Variants in ACACB observed in about 807,000 individuals in gnomAD.
The protein encoded by ACACB is acetyl-CoA carboxylase beta.
In ACACB, 209 loss-of-function variants were observed where a neutral mutation model predicts 278.8. That is an observed-to-expected ratio of 0.75 (90% CI 0.67 to 0.84). The LOEUF (loss-of-function observed/expected upper bound fraction) is 0.84. Among genes scored for constraint, ACACB ranks in the 40% least tolerant of loss-of-function variants. ACACB has a pLI of 0.00. For synonymous variants in ACACB, 1,174 were observed against 1,285.6 expected, an observed-to-expected ratio of 0.91 and a Z score of 1.86; for missense variants, 2,850 against 3,269.0, an observed-to-expected ratio of 0.87 and a Z score of 3.13.
rs139390710 is a variant in ACACB, at chr12:109,246,449, G to A, written c.5571+1G>A. On this transcript the variant is annotated splice_donor_variant, in intron 39 of 52. Transcript: ENST00000338432. LOFTEE classifies it high-confidence loss of function. ...GGTGGACCCAGAAGACCCCCACAAA[G>A]TACGTCGTGAAACTGGCGGGGCAGG... The A allele has an allele frequency of 1.9e-6, 3 of 1,607,364 alleles. No homozygotes were observed. Among genetic ancestry groups the A allele is most frequent in the Non-Finnish European group, 2.6e-6 (3 of 1,174,640 alleles).
intron 40 of ACACB, among the ~76,000 whole-genome samples, chr12:109,248,605 G>A (rs2284687): frequency 0.24 from 35,941 of 152,114 alleles, 4,839 homozygotes; most frequent in East Asian, 0.42. Flanking sequence ...ATGAAAGCCA[G>A]AAGACTCAGC....
chr12:109,194,592 A>AC (rs1161740279), intron 16 of ACACB, among the ~76,000 whole-genome samples: 1 of 51,412 alleles, frequency 1.9e-5, no homozygotes, highest in Non-Finnish European at 4.4e-5. Flanking sequence ...GTCATGAGCC[A>AC]CCCCCTGGCC....
At chr12:109,210,464 CGCACATACATGTGTATATGTGTATATAT>C (rs1565928774) in intron 21 of ACACB, among the ~76,000 whole-genome samples, 11 of 145,058 alleles carry the variant, frequency 7.6e-5, no homozygotes, top group African/African-American at 2.3e-4. Context: ...TGTATATATA[CGCACATACATGTGTATATGTGTATATAT>C]ACATGTATGT....
rs570435965 is a variant in ACACB, at chr12:109,209,859, A to G, written c.3249+506A>G. The stretch of plus-strand genomic sequence containing the variant: ...CATACACACACGTGTGTATATATGT[A>G]TATACACACATACACACACGTGTGT... On this transcript the variant is annotated intron_variant, in intron 21 of 52. Transcript: ENST00000338432. Among the ~76,000 whole-genome samples, 148 of 131,682 alleles carry G rather than the reference A, an allele frequency of 1.1e-3. 8 individuals carry two copies. The highest frequency in any genetic ancestry group is 5.4e-4 in the Non-Finnish European group (34 of 63,318). The allele number at this position is 131,682 out of a possible 152,430, so 86.4% of individuals were successfully genotyped here.
At chr12:109,257,319 TAA>T (rs537031911) in intron 45 of ACACB, among the ~76,000 whole-genome samples, 45 of 138,634 alleles carry the variant, frequency 3.2e-4, no homozygotes, top group African/African-American at 1.1e-3. Flanking sequence ...AAGCAAAAAA[TAA>T]AAAAAAAAAA....
At chr12:109,196,815 C>T (rs959327677) in intron 16 of ACACB, among the ~76,000 whole-genome samples, 193 bp from the exon 17 acceptor site, 6 of 152,200 alleles carry the variant, frequency 3.9e-5, no homozygotes, top group African/African-American at 1.4e-4. Context: ...TGGCTCGCTA[C>T]TCCAGGCCTC....
intron 42 of ACACB, 132 bp from the exon 43 acceptor site, chr12:109,252,883 C>A: frequency 1.2e-6 from 1 of 833,750 alleles, no homozygotes; most frequent in Non-Finnish European, 1.7e-6. Flanking sequence ...GTAGCCTGAG[C>A]ATCAGGATTT....
At chr12:109,174,374 A>G in intron 7 of ACACB, 144 bp downstream of exon 7, 1 of 614,896 alleles carries the variant, frequency 1.6e-6, no homozygotes, top group South Asian at 2.7e-5. Flanking sequence ...TTAGCAAAAT[A>G]TTTTAAAATT....
Position 109,179,190 on chromosome 12 carries a change from G to A in ACACB, c.1540G>A (p.Val514Met). 1 of 1,614,148 alleles carries A rather than the reference G, an allele frequency of 6.2e-7. No individual in the cohort carries two copies. The highest frequency in any genetic ancestry group is 1.3e-5 in the African/African-American group (1 of 75,054). ...CCTCGCTGACCAGTATGGGAATGCTGTGTCTCTGTTTGGTCGCGACTGCTC... is the reference window on the plus strand; with the variant it reads ...CCTCGCTGACCAGTATGGGAATGCTATGTCTCTGTTTGGTCGCGACTGCTC... The part of the protein sequence containing the change: ...QILADQYGNA[V>M]SLFGRDCSIQ... The change falls in exon 10 of 53, where the codon GTG becomes ATG. Residue 514 changes from valine (V) to methionine (M), a missense_variant. Val to Met is a conservative substitution (Grantham distance 21). Transcript: ENST00000338432.
At chr12:109,114,303 T>G (rs771712237), upstream of ACACB, among the ~76,000 whole-genome samples, 9 of 152,122 alleles carry the variant, frequency 5.9e-5, no homozygotes, top group Non-Finnish European at 1.2e-4. Context: ...ATATAGCATG[T>G]TCTTTTGTCT....
At chr12:109,246,935 A>G (rs866526115) in intron 39 of ACACB, among the ~76,000 whole-genome samples, 1 of 152,298 alleles carries the variant, frequency 6.6e-6, no homozygotes, top group Middle Eastern at 3.4e-3. Context: ...CTAGGTGAGC[A>G]TGATGGTGCC....
chr12:109,233,180 A>G (rs2046526625), intron 29 of ACACB, among the ~76,000 whole-genome samples: 1 of 152,202 alleles, frequency 6.6e-6, no homozygotes, highest in South Asian at 2.1e-4. Context: ...GACTCACTTC[A>G]TAGGTGCGCC....
intron 40 of ACACB, chr12:109,249,672 A>G (rs2047041753): frequency 5.6e-6 from 1 of 177,180 alleles, no homozygotes; most frequent in Non-Finnish European, 1.2e-5. Context: ...TTGTATTTTT[A>G]GTAGAGATGG....
At chr12:109,167,043 G>A (rs769576893) in intron 3 of ACACB, 50 bp downstream of exon 3, 2 of 1,610,122 alleles carry the variant, frequency 1.2e-6, no homozygotes, top group Non-Finnish European at 1.7e-6. Flanking sequence ...GGGTGCAGGG[G>A]CCCCTCCTCT....
chr12:109,222,657 TC>T (rs1159616888), intron 25 of ACACB, 37 bp downstream of exon 25: 3 of 1,575,078 alleles, frequency 1.9e-6, no homozygotes, highest in South Asian at 1.1e-5. Flanking sequence ...GATGTGCGTT[TC>T]CCCCCACCCT....
intron 1 of ACACB, among the ~76,000 whole-genome samples, chr12:109,118,769 T>C (rs2135929933): frequency 6.6e-6 from 1 of 152,256 alleles, no homozygotes; most frequent in East Asian, 1.9e-4. Context: ...ACTTGTTACT[T>C]CAAAGTAGAG....
chr12:109,240,049 G>T lies in ACACB; in HGVS notation c.4818+64G>T. 3.2e-6 allele frequency: 5 copies of T among 1,556,640 alleles called. No homozygotes were observed. The South Asian group carries it at 6.0e-5, about 19-fold the overall frequency. Reference sequence around the variant, plus strand: ...TTCACCCTCTGAGCCATGCTGCTTTGGGGTATTGTCTCTTGCCACTCAAGA... The same window carrying T: ...TTCACCCTCTGAGCCATGCTGCTTTTGGGTATTGTCTCTTGCCACTCAAGA... On this transcript the variant is annotated intron_variant, in intron 35 of 52. Transcript: ENST00000338432.
At chr12:109,113,579 A>G (rs547510684), upstream of ACACB, among the ~76,000 whole-genome samples, 2 of 152,346 alleles carry the variant, frequency 1.3e-5, no homozygotes, top group Non-Finnish European at 2.9e-5. Context: ...GGGACTATAA[A>G]TTGTTTGCAT....
At chr12:109,257,885 T>A (rs2047270705) in intron 45 of ACACB, among the ~76,000 whole-genome samples, 1 of 152,214 alleles carries the variant, frequency 6.6e-6, no homozygotes, top group Non-Finnish European at 1.5e-5. Flanking sequence ...CAGTTTAAAT[T>A]GAACTAAGTC....
Sources: allele counts gnomAD v4.1 joint callset (sites outside exome capture counted in the v4.1 genomes callset), GRCh38; gene constraint gnomAD v4.1.1; transcripts MANE v1.5; gene names NCBI Gene and HGNC (gene_info 2026-07-23, HGNC 2026-07-21).